PARD3: variants seen among roughly 807,000 people sequenced by gnomAD.
The protein encoded by PARD3 is par-3 family cell polarity regulator, also known as partitioning defective 3 homolog.
A neutral mutation model predicts 155.4 loss-of-function variants in PARD3; 75 were observed. That is an observed-to-expected ratio of 0.48 (90% CI 0.40 to 0.58). The LOEUF (loss-of-function observed/expected upper bound fraction) is 0.58, where lower values mean the gene tolerates loss of function less well. PARD3 is among the 20% of genes least tolerant of loss of function. The probability of loss-of-function intolerance (pLI) is 0.00; values close to 1 mark genes in which losing one functional copy is unlikely to be tolerated. For synonymous variants in PARD3, 576 were observed against 610.5 expected (o/e 0.94, Z 0.83); for missense variants, 1,642 against 1,721.7 (o/e 0.95, Z 0.82).
intron 20 of PARD3, among the ~76,000 whole-genome samples, chr10:34,286,063 C>T (rs563703503): frequency 6.6e-6 from 1 of 152,126 alleles, no homozygotes; most frequent in Admixed American, 6.5e-5. Context: ...CTAATAAATA[C>T]AAAACATTAA....
At chr10:34,770,906 C>T (rs79478455) in intron 1 of PARD3, among the ~76,000 whole-genome samples, 4,135 of 152,226 alleles carry the variant, frequency 0.027, 80 homozygotes, top group Non-Finnish European at 0.042. Context: ...GCCCCGTGAT[C>T]TTTAAGGTCT....
chr10:34,788,784 T>G (rs1588754659), intron 1 of PARD3, among the ~76,000 whole-genome samples: 2 of 152,146 alleles, frequency 1.3e-5, no homozygotes, highest in Admixed American at 1.3e-4. Flanking sequence ...ACTGCAGTCC[T>G]GGGCCCAGCC....
intron 22 of PARD3, among the ~76,000 whole-genome samples, chr10:34,151,889 G>T (rs1475785362): frequency 6.6e-6 from 1 of 152,166 alleles, no homozygotes; most frequent in East Asian, 1.9e-4. Context: ...AGTACCACAA[G>T]ACGGCTTTAA....
intron 1 of PARD3, among the ~76,000 whole-genome samples, chr10:34,806,144 C>G (rs926980251): frequency 6.6e-6 from 1 of 151,714 alleles, no homozygotes; most frequent in Non-Finnish European, 1.5e-5. Context: ...AATCCTCCCA[C>G]GTCAGCCTCC....
At chr10:34,569,608 G>A (rs1442836078) in intron 2 of PARD3, among the ~76,000 whole-genome samples, 1 of 151,824 alleles carries the variant, frequency 6.6e-6, no homozygotes, top group Non-Finnish European at 1.5e-5. Flanking sequence ...TAGTAGAGAC[G>A]GGGTTTCACC....
intron 1 of PARD3, among the ~76,000 whole-genome samples, chr10:34,797,586 T>C (rs1383506515): frequency 6.6e-6 from 1 of 152,214 alleles, no homozygotes; most frequent in Admixed American, 6.5e-5. Context: ...AAAGCAACTC[T>C]TGCAAGAGAA....
At chr10:34,571,138 C>T (rs1191449918) in intron 2 of PARD3, among the ~76,000 whole-genome samples, 3 of 152,028 alleles carry the variant, frequency 2.0e-5, no homozygotes, top group African/African-American at 7.2e-5. Flanking sequence ...TAGCAAGACC[C>T]TATCTCTACA....
At chr10:34,201,681 TC>T (rs1951219519) in intron 22 of PARD3, among the ~76,000 whole-genome samples, 1 of 152,016 alleles carries the variant, frequency 6.6e-6, no homozygotes, top group African/African-American at 2.4e-5. Flanking sequence ...AAGGAGTTGT[TC>T]ACCCAAAAAA....
At chr10:34,563,458 C>G (rs1261127793) in intron 2 of PARD3, among the ~76,000 whole-genome samples, 1 of 152,132 alleles carries the variant, frequency 6.6e-6, no homozygotes, top group Non-Finnish European at 1.5e-5. Flanking sequence ...CCTCCACCTC[C>G]CGGGTTCAAG....
chr10:34,710,444 C>T (rs1217893209), intron 1 of PARD3, among the ~76,000 whole-genome samples: 1 of 12,070 alleles, frequency 8.3e-5, no homozygotes, highest in Non-Finnish European at 1.6e-4. Context: ...TCTTCCTCTC[C>T]TGTTCCCAAT....
chr10:34,285,436 G>A (rs960592678), intron 20 of PARD3, among the ~76,000 whole-genome samples: 1 of 151,988 alleles, frequency 6.6e-6, no homozygotes, highest in Non-Finnish European at 1.5e-5. Context: ...AATCAGCCAG[G>A]TGTGGTGGTG....
chr10:34,650,879 C>T lies in PARD3; in HGVS notation c.222+45439G>A, dbSNP rs2476992. Among the ~76,000 whole-genome samples, 597 of 152,064 alleles carry T rather than the reference C, an allele frequency of 3.9e-3. 5 individuals are homozygous for T. Among genetic ancestry groups the T allele is most frequent in the African/African-American group, 0.014 (575 of 41,490 alleles). On this transcript the variant is annotated intron_variant, in intron 2 of 24. Coordinates refer to ENST00000374788, the MANE Select transcript of PARD3 (RefSeq NM_001184785.2). ...ATACAAAATTAGCCTGGCATGGTGG[C>T]ATATGCCTGTAATCCCAGCTACTCG...
rs190739024 is a variant in PARD3, at chr10:34,147,637, G to C, written c.3420-16054C>G. ...CTCACAATGATATCTACTTTAATTT[G>C]ATACTTTACTAACTTTGTTTTGGAA... On this transcript the variant is annotated intron_variant, in intron 22 of 24. Coordinates refer to ENST00000374788, the MANE Select transcript of PARD3 (RefSeq NM_001184785.2). 2.6e-5 allele frequency among the ~76,000 whole-genome samples: 4 copies of C among 151,536 alleles called. No homozygotes were observed. In the East Asian group the frequency reaches 5.8e-4, roughly 22 times the overall value.
At chr10:34,345,641 T>C in intron 15 of PARD3, 2 of 985,446 alleles carry the variant, frequency 2.0e-6, no homozygotes, top group African/African-American at 1.7e-5. Context: ...TCCTAATGTC[T>C]TTGGAACTAT....
intron 7 of PARD3, among the ~76,000 whole-genome samples, chr10:34,388,870 G>T (rs1842607548): frequency 6.6e-6 from 1 of 152,170 alleles, no homozygotes; most frequent in South Asian, 2.1e-4. Flanking sequence ...AACAACCCCA[G>T]ATTTGTTATG....
At chr10:34,307,768 T>TA (rs1957487819) in intron 20 of PARD3, among the ~76,000 whole-genome samples, 2 of 152,132 alleles carry the variant, frequency 1.3e-5, no homozygotes, top group Non-Finnish European at 2.9e-5. Context: ...CTGTTACACT[T>TA]ACTGGGCACT....
At chr10:34,321,809 A>G (rs1306494581) in intron 19 of PARD3, among the ~76,000 whole-genome samples, 2 of 152,216 alleles carry the variant, frequency 1.3e-5, no homozygotes, top group African/African-American at 4.8e-5. Flanking sequence ...TCGGGCATTT[A>G]CGTGTTAATG....
chr10:34,302,233 T>C (rs1484521849), intron 20 of PARD3, among the ~76,000 whole-genome samples: 3 of 152,160 alleles, frequency 2.0e-5, no homozygotes, highest in African/African-American at 7.2e-5. Context: ...ACTGAAGACC[T>C]GAAATTGATT....
intron 21 of PARD3, among the ~76,000 whole-genome samples, chr10:34,272,013 T>C (rs1393454589): frequency 2.6e-5 from 4 of 152,208 alleles, no homozygotes; most frequent in African/African-American, 9.6e-5. Flanking sequence ...CTGTGTAAGA[T>C]AGATACGTTG....
Sources: gnomAD v4.1 joint callset for allele counts (sites outside exome capture counted in the v4.1 genomes callset) on GRCh38, gnomAD v4.1.1 for gene constraint, MANE v1.5 for transcripts, NCBI Gene and HGNC (gene_info 2026-07-23, HGNC 2026-07-21) for gene names.